The following KDM3B variants were observed in gnomAD, a reference collection of about 807,000 sequenced individuals.
KDM3B encodes lysine demethylase 3B.
In KDM3B, 10 loss-of-function variants were observed where a neutral mutation model predicts 170.0. The observed-to-expected ratio is 0.06, with a 90% CI of 0.04 to 0.10. The LOEUF (loss-of-function observed/expected upper bound fraction) is 0.10. Among genes scored for constraint, KDM3B ranks in the 10% least tolerant of loss-of-function variants. The pLI is 1.00. For synonymous variants in KDM3B, 831 were observed against 834.8 expected (o/e 1.00, Z 0.08); for missense variants, 1,394 against 2,195.2 (o/e 0.64, Z 7.29).
chr5:138,393,429 C>T, intron 9 of KDM3B, 57 bp downstream of exon 9: 2 of 1,355,772 alleles, frequency 1.5e-6, no homozygotes, highest in Non-Finnish European at 2.1e-6. Flanking sequence ...ACATAACTTC[C>T]ACTCTTTCTC....
chr5:138,422,520 A>C lies in KDM3B; in HGVS notation c.3973-1555A>C, dbSNP rs201891359. Among the ~76,000 whole-genome samples the C allele has an allele frequency of 5.9e-5, 9 of 152,214 alleles. No homozygotes were observed. In the East Asian group the frequency reaches 1.5e-3, roughly 26 times the overall value. On this transcript the variant is annotated intron_variant, in intron 15 of 23. Coordinates refer to ENST00000314358, the MANE Select transcript of KDM3B (RefSeq NM_016604.4). ...CCAGGCATGATGGCACATGCTTATA[A>C]TCCCAGCTACTCGGGAGGTTGAGGC...
At chr5:138,401,827 T>C (rs1762701595) in intron 11 of KDM3B, among the ~76,000 whole-genome samples, 1 of 152,220 alleles carries the variant, frequency 6.6e-6, no homozygotes, top group African/African-American at 2.4e-5. Context: ...GGCTGTGACG[T>C]AGTATCTGAT....
chr5:138,369,430 A>G (rs1761820974), intron 1 of KDM3B, among the ~76,000 whole-genome samples: 1 of 151,910 alleles, frequency 6.6e-6, no homozygotes, highest in South Asian at 2.1e-4. Flanking sequence ...TATTACCCCC[A>G]ACTCTGGGTC....
Position 138,375,820 on chromosome 5 carries a change from G to A in KDM3B, c.474+614G>A, listed in dbSNP as rs750928783. On this transcript the variant is annotated intron_variant, in intron 3 of 23. Coordinates refer to ENST00000314358, the MANE Select transcript of KDM3B (RefSeq NM_016604.4). ...GCCTCCCAAGTAGCTGGGATTACAG[G>A]CATGTGCCACCACACCCAGATAATT... Among the ~76,000 whole-genome samples, 9 of 152,028 alleles carry A rather than the reference G, an allele frequency of 5.9e-5. No individual in the cohort carries two copies. In the East Asian group the frequency reaches 1.7e-3, roughly 29 times the overall value.
chr5:138,430,172 A>T, intron 21 of KDM3B, 77 bp from the exon 22 acceptor site: 1 of 1,513,228 alleles, frequency 6.6e-7, no homozygotes, highest in Non-Finnish European at 9.0e-7. Flanking sequence ...CCATCTTAGG[A>T]CATTGCTGCA....
At chr5:138,410,646 C>T (rs1762941600) in intron 11 of KDM3B, among the ~76,000 whole-genome samples, 1 of 152,110 alleles carries the variant, frequency 6.6e-6, no homozygotes, top group Admixed American at 6.5e-5. Flanking sequence ...TGCACGGAGA[C>T]CAGTAGTGGC....
intron 9 of KDM3B, among the ~76,000 whole-genome samples, chr5:138,395,009 A>G (rs746427640): frequency 3.1e-4 from 47 of 152,320 alleles, no homozygotes; most frequent in Admixed American, 9.8e-4. Flanking sequence ...GGTTCTAGAT[A>G]TGTCTTTTGG....
intron 14 of KDM3B, 91 bp from the exon 15 acceptor site, chr5:138,420,615 C>T (rs1460175138): frequency 1.5e-6 from 2 of 1,371,184 alleles, no homozygotes; most frequent in East Asian, 2.3e-5. Flanking sequence ...GAGAATCTTT[C>T]CTCCTTCCCA....
chr5:138,412,377 G>A (rs1376155394), intron 11 of KDM3B, among the ~76,000 whole-genome samples: 9 of 151,196 alleles, frequency 6.0e-5, no homozygotes, highest in African/African-American at 2.2e-4. Context: ...AATAGCCCAG[G>A]CACAGTGGCT....
Position 138,420,878 on chromosome 5 carries a change from C to G in KDM3B, c.3888C>G (p.Leu1296=), listed in dbSNP as rs528017917. 3 of 1,614,158 alleles carry G rather than the reference C, an allele frequency of 1.9e-6. No individual in the cohort carries two copies. The Admixed American group carries it at 5.0e-5, about 27-fold the overall frequency. ...NKTEGSSLRD[L]LHSGPGKLPQ... is the part of the protein sequence containing the mutation. ...CCGAAGGGTCTAGCCTTCGAGACCTCCTTCACTCCGGGCCGGGAAAACTTC... is the reference window on the plus strand; with the variant it reads ...CCGAAGGGTCTAGCCTTCGAGACCTGCTTCACTCCGGGCCGGGAAAACTTC... Residue 1296 remains leucine (L), a synonymous_variant, in exon 15 of 24, where the codon CTC becomes CTG. Transcript: ENST00000314358.
intron 4 of KDM3B, among the ~76,000 whole-genome samples, chr5:138,378,937 G>A (rs1174412961): frequency 6.6e-6 from 1 of 151,962 alleles, no homozygotes; most frequent in Admixed American, 6.6e-5. Context: ...ATATGTGGGA[G>A]AGAGAAACTG....
At chr5:138,377,890 G>T in intron 4 of KDM3B, 65 bp downstream of exon 4, 1 of 1,179,256 alleles carries the variant, frequency 8.5e-7, no homozygotes, top group Non-Finnish European at 1.3e-6. Context: ...TTGAGTGATA[G>T]TATGGAATCC....
At chr5:138,397,474 C>T (rs935297930) in intron 9 of KDM3B, among the ~76,000 whole-genome samples, 1 of 152,200 alleles carries the variant, frequency 6.6e-6, no homozygotes. Flanking sequence ...CACCACTGTG[C>T]TCCAGCCTGG....
At chr5:138,367,663 A>T (rs987056100) in intron 1 of KDM3B, among the ~76,000 whole-genome samples, 1 of 152,160 alleles carries the variant, frequency 6.6e-6, no homozygotes, top group Non-Finnish European at 1.5e-5. Flanking sequence ...TAGAAATTTA[A>T]TCAGACTTTT....
chr5:138,374,159 A>C, intron 2 of KDM3B: 3 of 261,370 alleles, frequency 1.1e-5, no homozygotes, highest in South Asian at 3.1e-5. Context: ...ATGCCCAGCT[A>C]ATTTTTGTAT....
intron 11 of KDM3B, among the ~76,000 whole-genome samples, chr5:138,408,342 CT>C (rs1049912140): frequency 9.0e-5 from 13 of 144,968 alleles, no homozygotes; most frequent in South Asian, 2.2e-4. Flanking sequence ...CTCTTTCTTT[CT>C]TTTTTTTTTC....
chr5:138,415,187 A>G lies in KDM3B; in HGVS notation c.3255A>G (p.Gly1085=). ...TCTCCTGGTTGAAGTGTGCAAAGGGACAGTCCCACGAACCAGAGAATCTCA... is the reference window on the plus strand; with the variant it reads ...TCTCCTGGTTGAAGTGTGCAAAGGGGCAGTCCCACGAACCAGAGAATCTCA... ...EVFSWLKCAK[G]QSHEPENLMP... Residue 1085 remains glycine (G), a synonymous_variant, in exon 12 of 24, where the codon GGA becomes GGG. Coordinates refer to ENST00000314358, the MANE Select transcript of KDM3B (RefSeq NM_016604.4). 1 of 1,610,976 alleles carries G rather than the reference A, an allele frequency of 6.2e-7. No homozygotes were observed. Among genetic ancestry groups the G allele is most frequent in the Admixed American group, 1.7e-5 (1 of 59,992 alleles).
intron 15 of KDM3B, among the ~76,000 whole-genome samples, chr5:138,421,165 T>C (rs1763263630): frequency 6.6e-6 from 1 of 152,264 alleles, no homozygotes; most frequent in Non-Finnish European, 1.5e-5. Flanking sequence ...GTTGAGATTT[T>C]GAAATGTTTC....
chr5:138,369,018 A>G (rs569823720), intron 1 of KDM3B, among the ~76,000 whole-genome samples: 1 of 152,324 alleles, frequency 6.6e-6, no homozygotes, highest in African/African-American at 2.4e-5. Context: ...TGTTGCTATA[A>G]CTTAGAATGT....
Sources: gnomAD v4.1 joint callset for allele counts (sites outside exome capture counted in the v4.1 genomes callset) on GRCh38, gnomAD v4.1.1 for gene constraint, MANE v1.5 for transcripts, NCBI Gene and HGNC (gene_info 2026-07-23, HGNC 2026-07-21) for gene names.